Variants in NXPE4 observed in about 807,000 individuals in gnomAD.
NXPE4 encodes the protein neurexophilin and PC-esterase domain family member 4.
A neutral mutation model predicts 33.3 loss-of-function variants in NXPE4; 42 were observed. That is an observed-to-expected ratio of 1.26 (90% confidence interval 0.98 to 1.63). The LOEUF (loss-of-function observed/expected upper bound fraction) is 1.63. Among genes scored for constraint, NXPE4 ranks in the 40% most tolerant of loss-of-function variants. NXPE4 has a pLI of 0.00. For missense variants in NXPE4, 709 were observed against 647.6 expected, an observed-to-expected ratio of 1.09 and a Z score of -1.03; for synonymous variants, 253 against 234.9, an observed-to-expected ratio of 1.08 and a Z score of -0.71.
the NXPE4 span, among the ~76,000 whole-genome samples, chr11:114,659,341 T>C: frequency 6.6e-6 from 1 of 151,938 alleles, no homozygotes. Context: ...CAAGATGAAG[T>C]ATCGTTTTGA....
Position 114,582,730 on chromosome 11 carries a change from T to C in NXPE4, c.388A>G (p.Arg130Gly), listed in dbSNP as rs1949181613. ...AGGAAATCCCCGCCATATTGCTTCCTGCGTCCCAAGTGGTCCCTCACCTCC... is the reference window on the plus strand; with the variant it reads ...AGGAAATCCCCGCCATATTGCTTCCCGCGTCCCAAGTGGTCCCTCACCTCC... ...LLEVRDHLGR[R>G]KQYGGDFLRA... The change falls in exon 3 of 6, where the codon AGG becomes GGG. Residue 130 changes from arginine (R) to glycine (G), a missense_variant. Physicochemically the swap from Arg to Gly is moderately radical, Grantham distance 125 (BLOSUM62 -2). Transcript: ENST00000375478. 1 of 1,614,184 alleles carries C rather than the reference T, an allele frequency of 6.2e-7. No homozygotes were observed. Among genetic ancestry groups the C allele is most frequent in the Non-Finnish European group, 8.5e-7 (1 of 1,180,010 alleles).
the NXPE4 span, among the ~76,000 whole-genome samples, chr11:114,639,350 A>AT: frequency 6.6e-6 from 1 of 151,828 alleles, no homozygotes; most frequent in Non-Finnish European, 1.5e-5. Context: ...GAGTGACCCG[A>AT]TTTTCCAGGT....
At chr11:114,618,113 G>A in the NXPE4 span, among the ~76,000 whole-genome samples, 1,339 of 151,958 alleles carry the variant, frequency 8.8e-3, 19 homozygotes, top group African/African-American at 0.031. Context: ...ATTAAGTGTC[G>A]CCTCGTGGGA....
the NXPE4 span, among the ~76,000 whole-genome samples, chr11:114,654,321 T>TA: frequency 6.6e-6 from 1 of 152,048 alleles, no homozygotes; most frequent in Non-Finnish European, 1.5e-5. Context: ...GAAAGTTGTT[T>TA]AAAATCTTTG....
chr11:114,605,966 C>T, the NXPE4 span, among the ~76,000 whole-genome samples: 58 of 151,186 alleles, frequency 3.8e-4, 1 homozygote, highest in African/African-American at 1.4e-3. Context: ...AGTGTTGCCT[C>T]GTGGGTAACC....
intron 2 of NXPE4, among the ~76,000 whole-genome samples, chr11:114,589,712 C>T (rs887862875): frequency 1.3e-5 from 2 of 152,108 alleles, no homozygotes; most frequent in African/African-American, 4.8e-5. Context: ...TCCTAATGAT[C>T]CCACTTTTTT....
chr11:114,607,275 A>G, the NXPE4 span, among the ~76,000 whole-genome samples: 3 of 151,912 alleles, frequency 2.0e-5, no homozygotes, highest in Admixed American at 6.6e-5. Flanking sequence ...ATGGGTAACC[A>G]CTGTTGCCTG....
chr11:114,574,476 G>A (rs1948955251), intron 5 of NXPE4, among the ~76,000 whole-genome samples: 1 of 152,010 alleles, frequency 6.6e-6, no homozygotes, highest in Non-Finnish European at 1.5e-5. Flanking sequence ...ACTAAGAAGA[G>A]AGAAGATCCA....
Position 114,586,789 on chromosome 11 carries a change from C to T in NXPE4, c.97-3768G>A, listed in dbSNP as rs77886582. Among the ~76,000 whole-genome samples, 1,432 of 152,188 alleles carry T rather than the reference C, an allele frequency of 9.4e-3. 21 individuals carry two copies. Among genetic ancestry groups the T allele is most frequent in the African/African-American group, 0.032 (1,344 of 41,512 alleles). On this transcript the variant is annotated intron_variant, in intron 2 of 5. Transcript: ENST00000375478. ...ATTGCAAATTTTCTCCTTTCCTATC[C>T]GCAACTTCCATGTCTCCTATCCACT...
upstream of NXPE4, among the ~76,000 whole-genome samples, chr11:114,596,775 C>G (rs1015703644): frequency 1.3e-5 from 2 of 152,166 alleles, no homozygotes; most frequent in African/African-American, 4.8e-5. Flanking sequence ...AGTTCACAGT[C>G]TACTCTGAGA....
intron 5 of NXPE4, among the ~76,000 whole-genome samples, chr11:114,579,323 C>G (rs564395179): frequency 2.0e-5 from 3 of 152,282 alleles, no homozygotes; most frequent in Non-Finnish European, 4.4e-5. Context: ...CCCACTAGGT[C>G]CCACCTCCAG....
chr11:114,642,950 G>A, the NXPE4 span, among the ~76,000 whole-genome samples: 10 of 151,988 alleles, frequency 6.6e-5, no homozygotes, highest in African/African-American at 1.4e-4. Context: ...TTTAATGATC[G>A]CCATTCTAAC....
the NXPE4 span, among the ~76,000 whole-genome samples, chr11:114,670,240 G>C: frequency 6.6e-6 from 1 of 152,036 alleles, no homozygotes; most frequent in East Asian, 1.9e-4. Context: ...AGAGAGCTTA[G>C]AGAAATCAAA....
At chr11:114,613,750 C>A in the NXPE4 span, among the ~76,000 whole-genome samples, 1 of 151,908 alleles carries the variant, frequency 6.6e-6, no homozygotes, top group Non-Finnish European at 1.5e-5. Context: ...CCACTGTTAC[C>A]CGGTGGATAA....
At chr11:114,661,528 T>G in the NXPE4 span, among the ~76,000 whole-genome samples, 303 of 152,328 alleles carry the variant, frequency 2.0e-3, no homozygotes, top group African/African-American at 7.0e-3. Context: ...TCAAAAGTAC[T>G]CTCCTCTGAG....
At chr11:114,648,056 A>G in the NXPE4 span, among the ~76,000 whole-genome samples, 1 of 152,152 alleles carries the variant, frequency 6.6e-6, no homozygotes, top group Non-Finnish European at 1.5e-5. Context: ...CCTGTGGTAT[A>G]TAAGACATAT....
the NXPE4 span, among the ~76,000 whole-genome samples, chr11:114,653,487 T>C: frequency 6.6e-6 from 1 of 151,996 alleles, no homozygotes; most frequent in East Asian, 1.9e-4. Context: ...TTGTACTCCG[T>C]ATTTCATTAC....
the NXPE4 span, among the ~76,000 whole-genome samples, chr11:114,644,628 G>A: frequency 2.6e-5 from 4 of 151,998 alleles, no homozygotes; most frequent in African/African-American, 9.7e-5. Context: ...ATGAAAGAAG[G>A]CATGAATAAA....
At chr11:114,589,782 T>C (rs1949400214) in intron 2 of NXPE4, among the ~76,000 whole-genome samples, 1 of 152,136 alleles carries the variant, frequency 6.6e-6, no homozygotes, top group Admixed American at 6.6e-5. Context: ...AAGCCATTAT[T>C]AATAACCTGA....
Sources: gnomAD v4.1 joint callset for allele counts (sites outside exome capture counted in the v4.1 genomes callset) on GRCh38, gnomAD v4.1.1 for gene constraint, MANE v1.5 for transcripts, NCBI Gene and HGNC (gene_info 2026-07-23, HGNC 2026-07-21) for gene names.